CSNK2A1: variants seen among roughly 807,000 people sequenced by gnomAD.
CSNK2A1 encodes the protein casein kinase II subunit alpha.
CSNK2A1 carries 10 observed loss-of-function variants against 62.9 expected under a neutral mutation model. The ratio of observed to expected loss-of-function variants is 0.16; its 90% CI spans 0.10 to 0.27. The LOEUF (loss-of-function observed/expected upper bound fraction) is 0.27. Ranked by LOEUF, CSNK2A1 falls within the 10% of genes least tolerant of loss-of-function variation. The probability of loss-of-function intolerance (pLI) is 1.00; values close to 1 mark genes in which losing one functional copy is unlikely to be tolerated. For missense variants in CSNK2A1, 160 were observed against 492.0 expected (o/e 0.33, Z 6.38); for synonymous variants, 124 against 167.8 (o/e 0.74, Z 2.02).
chr20:539,912 T>C (rs1274758481), intron 1 of CSNK2A1: 3 of 152,164 alleles, frequency 2.0e-5, no homozygotes, highest in Non-Finnish European at 4.4e-5. Context: ...GTGAGACATG[T>C]AGAGAATAAC....
In CSNK2A1 at chr20:479,665, A is replaced by C. The variant is rs1174012297; in HGVS notation, c.*4296T>G. The C allele has an allele frequency of 2.6e-5, 4 of 152,252 alleles. No homozygotes were observed. Among genetic ancestry groups the C allele is most frequent in the Admixed American group, 1.3e-4 (2 of 15,286 alleles). 9.4% of individuals were successfully genotyped at this position (152,252 alleles called of 1,614,324 possible). On this transcript the variant is annotated 3_prime_UTR_variant, in exon 14 of 14. Transcript: ENST00000217244. Reference sequence around the variant, plus strand: ...TCTCTAATGGTTAAATTTAGCACAGAATCAAAGGAGAGCTATAAAGTCTAG... The same window carrying C: ...TCTCTAATGGTTAAATTTAGCACAGCATCAAAGGAGAGCTATAAAGTCTAG...
chr20:508,343 G>T, intron 3 of CSNK2A1, 108 bp downstream of exon 3: 1 of 1,183,216 alleles, frequency 8.5e-7, no homozygotes, highest in Non-Finnish European at 1.2e-6. Context: ...CTTTGATCCT[G>T]AGGTATACAC....
At position 477,221 on chromosome 20, in the gene CSNK2A1, G is replaced by A. The variant is rs1295110343; in HGVS notation, c.*6740C>T. ...CTTTAAAAAAATCTTTTTAGACAGGGTCTTGCTCTGTCACTTGGGCTTGAG... is the reference window on the plus strand; with the variant it reads ...CTTTAAAAAAATCTTTTTAGACAGGATCTTGCTCTGTCACTTGGGCTTGAG... On this transcript the variant is annotated 3_prime_UTR_variant, in exon 14 of 14. Transcript: ENST00000217244. 6.6e-6 allele frequency: 1 copy of A among 152,206 alleles called. No homozygotes were observed. The highest frequency in any genetic ancestry group is 1.9e-4 in the East Asian group (1 of 5,198). 9.4% of individuals were successfully genotyped at this position (152,206 alleles called of 1,614,324 possible).
Position 542,231 on chromosome 20 carries a change from C to T in CSNK2A1, c.-227+1441G>A, listed in dbSNP as rs191642137. 3.5e-4 allele frequency among the ~76,000 whole-genome samples: 54 copies of T among 152,280 alleles called. No homozygotes were observed. The Middle Eastern group carries it at 0.014, about 38-fold the overall frequency. On this transcript the variant is annotated intron_variant, in intron 1 of 13. Transcript: ENST00000217244. ...ACAAATTGTCTTATTTACTCTTCTC[C>T]GTAAACTCACAAGCTAGAAAATACC...
At chr20:541,914 G>A (rs1328445933) in intron 1 of CSNK2A1, among the ~76,000 whole-genome samples, 2 of 152,178 alleles carry the variant, frequency 1.3e-5, no homozygotes, top group African/African-American at 4.8e-5. Flanking sequence ...ACAAAAACAT[G>A]CCCTGCTAAG....
At chr20:497,139 CTAT>C (rs1237125281) in intron 7 of CSNK2A1, among the ~76,000 whole-genome samples, 5 of 152,164 alleles carry the variant, frequency 3.3e-5, no homozygotes, top group East Asian at 1.9e-4. Context: ...GGTTCTGATA[CTAT>C]TATTATTAAT....
chr20:514,164 C>T (rs34970820), intron 2 of CSNK2A1, among the ~76,000 whole-genome samples: 45,003 of 151,542 alleles, frequency 0.3, 8,523 homozygotes, highest in Non-Finnish European at 0.44. Context: ...GGCAACACAG[C>T]GAGACCTCCT....
At chr20:489,960 A>AT in intron 9 of CSNK2A1, 79 bp from the exon 10 acceptor site, 1 of 1,136,892 alleles carries the variant, frequency 8.8e-7, no homozygotes, top group East Asian at 2.8e-5. Context: ...AATTTTTAAA[A>AT]TTAAAAAAAA....
rs543592708 is a variant in CSNK2A1, at chr20:479,128, T to G, written c.*4833A>C. ...AATGCTTGGATATTTTTTCTTCTAG[T>G]AAAGACACTTTACTGCCACCTGCTG... On this transcript the variant is annotated 3_prime_UTR_variant, in exon 14 of 14. Transcript: ENST00000217244. 1 of 152,498 alleles carries G rather than the reference T, an allele frequency of 6.6e-6. No individual in the cohort carries two copies. Among genetic ancestry groups the G allele is most frequent in the East Asian group, 1.9e-4 (1 of 5,186 alleles). The allele number at this position is 152,498 out of a possible 1,614,324, so 9.4% of individuals were successfully genotyped here. A position where few individuals can be genotyped will look rare whatever the true frequency, so the allele number is the denominator to read the frequency against.
chr20:490,365 G>GT (rs1211661943), intron 9 of CSNK2A1, among the ~76,000 whole-genome samples: 5 of 74,932 alleles, frequency 6.7e-5, no homozygotes, highest in Non-Finnish European at 7.6e-5. Context: ...TTTTTTTTTA[G>GT]TTTTTTCTTT....
At chr20:491,009 G>A (rs574974461) in intron 9 of CSNK2A1, among the ~76,000 whole-genome samples, 6 of 151,344 alleles carry the variant, frequency 4.0e-5, no homozygotes, top group African/African-American at 1.5e-4. Flanking sequence ...TCCTATAATA[G>A]GACAGTGTTC....
intron 7 of CSNK2A1, among the ~76,000 whole-genome samples, chr20:497,044 G>A (rs1357131058): frequency 6.6e-6 from 1 of 152,170 alleles, no homozygotes; most frequent in East Asian, 1.9e-4. Flanking sequence ...TAAGGGGTCA[G>A]TCCCAGCTAT....
intron 9 of CSNK2A1, 22 bp downstream of exon 9, chr20:492,232 G>C: frequency 6.3e-7 from 1 of 1,587,290 alleles, no homozygotes; most frequent in Non-Finnish European, 8.6e-7. Context: ...GATCAAAACT[G>C]TGCCTGCCCT....
rs2019264784 is a variant in CSNK2A1 at position 534,090 on chromosome 20, T to C, written c.-226-6041A>G. On this transcript the variant is annotated intron_variant, in intron 1 of 13. Transcript: ENST00000217244. ...TGAATGTAATAACTACTGTTACCAT[T>C]TGAATGCCTCTTACAAACCAGGCAC... is the stretch of plus-strand genomic sequence containing the variant. Among the ~76,000 whole-genome samples, 4 of 152,224 alleles carry C rather than the reference T, an allele frequency of 2.6e-5. No homozygotes were observed. The South Asian group carries it at 6.2e-4, about 24-fold the overall frequency.
At position 477,620 on chromosome 20, in the gene CSNK2A1, C is replaced by A. The variant is rs147526802; in HGVS notation, c.*6341G>T. On this transcript the variant is annotated 3_prime_UTR_variant, in exon 14 of 14. Transcript: ENST00000217244. ...AGCCCGGGAGTCTGTGTCCTATCTCCCTGGGGGCATTCAAACCCTAGTCCA... is the reference window on the plus strand; with the variant it reads ...AGCCCGGGAGTCTGTGTCCTATCTCACTGGGGGCATTCAAACCCTAGTCCA... 379 of 152,422 alleles carry A rather than the reference C, an allele frequency of 2.5e-3. 1 individual carries two copies. The highest frequency in any genetic ancestry group is 0.012 in the South Asian group (58 of 4,832). 9.4% of individuals were successfully genotyped at this position (152,422 alleles called of 1,614,324 possible).
intron 7 of CSNK2A1, 198 bp from the exon 8 acceptor site, chr20:496,000 A>C (rs1377255148): frequency 1.9e-6 from 1 of 530,660 alleles, no homozygotes; most frequent in Non-Finnish European, 3.4e-6. Context: ...CTGAGCTTAG[A>C]GATCTTTTTC....
In CSNK2A1 at chr20:514,384, G is replaced by C. The variant is rs2018787623; in HGVS notation, c.-109-5724C>G. On this transcript the variant is annotated intron_variant, in intron 2 of 13. Coordinates refer to ENST00000217244, the MANE Select transcript of CSNK2A1 (RefSeq NM_177559.3). ...AACAAACAAAAAACAAAAACAAGAG[G>C]GGATGTGAAAAGACAGAAAAGGGAG... 2.0e-5 allele frequency among the ~76,000 whole-genome samples: 3 copies of C among 151,616 alleles called. No homozygotes were observed. The South Asian group carries it at 6.3e-4, about 32-fold the overall frequency.
intron 1 of CSNK2A1, among the ~76,000 whole-genome samples, chr20:532,778 C>G (rs1321713712): frequency 6.6e-6 from 1 of 152,094 alleles, no homozygotes; most frequent in African/African-American, 2.4e-5. Context: ...TACGCAATCA[C>G]CTTTTGCAGC....
chr20:541,304 C>T (rs1398760114), intron 1 of CSNK2A1, among the ~76,000 whole-genome samples: 1 of 152,072 alleles, frequency 6.6e-6, no homozygotes, highest in African/African-American at 2.4e-5. Context: ...TGCCATGTAA[C>T]ACAGGATAGC....
Sources: gnomAD v4.1 joint callset for allele counts (sites outside exome capture counted in the v4.1 genomes callset) on GRCh38, gnomAD v4.1.1 for gene constraint, MANE v1.5 for transcripts, NCBI Gene and HGNC (gene_info 2026-07-23, HGNC 2026-07-21) for gene names.